The following FHIP1A variants were observed in gnomAD, a reference collection of about 807,000 sequenced individuals.
The protein encoded by FHIP1A is FHF complex subunit HOOK interacting protein 1A.
In FHIP1A, 61 loss-of-function variants were observed where a neutral mutation model predicts 88.6. The ratio of observed to expected loss-of-function variants is 0.69; its 90% CI spans 0.56 to 0.85. The LOEUF (loss-of-function observed/expected upper bound fraction) is 0.85, where lower values mean the gene tolerates loss of function less well. FHIP1A is among the 40% of genes least tolerant of loss of function. The pLI is 0.00. For missense variants in FHIP1A, 1,154 were observed against 1,273.5 expected, an observed-to-expected ratio of 0.91 and a Z score of 1.43; for synonymous variants, 478 against 496.0, an observed-to-expected ratio of 0.96 and a Z score of 0.48.
intron 1 of FHIP1A, among the ~76,000 whole-genome samples, chr4:151,422,028 C>T (rs1394898131): frequency 1.3e-5 from 2 of 151,836 alleles, no homozygotes; most frequent in African/African-American, 4.8e-5. Context: ...CCTATTTTTT[C>T]CTTGGCTGCA....
chr4:151,480,248 T>C (rs1729846744), intron 2 of FHIP1A, among the ~76,000 whole-genome samples: 1 of 152,052 alleles, frequency 6.6e-6, no homozygotes, highest in Non-Finnish European at 1.5e-5. Flanking sequence ...TGGTAAAATA[T>C]AAGAGTGGTT....
In FHIP1A at chr4:151,650,423, A is replaced by G; in HGVS notation, c.2382A>G (p.Gly794=). The stretch of plus-strand genomic sequence containing the variant: ...AAGAAGGGAAGGAAGAGAGTAAAGG[A>G]GAAAAGGAGAAGGAGGGGAAGAAGG... The part of the protein sequence containing the change: ...KEEEGKEESK[G]EKEKEGKKEL... The change falls in exon 11 of 14, where the codon GGA becomes GGG. Residue 794 remains glycine, a synonymous_variant. Coordinates refer to ENST00000435205, the MANE Select transcript of FHIP1A (RefSeq NM_001109977.3). 1.9e-6 allele frequency: 3 copies of G among 1,551,702 alleles called. No individual in the cohort carries two copies. The highest frequency in any genetic ancestry group is 1.2e-5 in the South Asian group (1 of 84,062).
chr4:151,481,431 G>T (rs1380208380), intron 2 of FHIP1A, among the ~76,000 whole-genome samples: 1 of 151,914 alleles, frequency 6.6e-6, no homozygotes, highest in South Asian at 2.1e-4. Context: ...TAAATTATGT[G>T]GTTGTGGCAA....
chr4:151,486,501 A>G (rs1233180804), intron 3 of FHIP1A, among the ~76,000 whole-genome samples: 2 of 152,108 alleles, frequency 1.3e-5, no homozygotes, highest in Non-Finnish European at 2.9e-5. Context: ...TCTCATATCT[A>G]TGATCTGGAT....
chr4:151,557,081 G>A (rs1227051161), intron 3 of FHIP1A, among the ~76,000 whole-genome samples: 1 of 152,054 alleles, frequency 6.6e-6, no homozygotes, highest in Admixed American at 6.6e-5. Context: ...AATAGTATTG[G>A]GTCAGATAAT....
chr4:151,526,430 C>A (rs547833976), intron 3 of FHIP1A, among the ~76,000 whole-genome samples: 1 of 143,258 alleles, frequency 7.0e-6, no homozygotes, highest in African/African-American at 2.7e-5. Context: ...GCTGGCCGGG[C>A]GGGGGGCTGA....
intron 7 of FHIP1A, among the ~76,000 whole-genome samples, chr4:151,624,994 G>A (rs1378202622): frequency 6.6e-6 from 1 of 152,126 alleles, no homozygotes; most frequent in East Asian, 1.9e-4. Flanking sequence ...TCCTTGGAGG[G>A]GAGAAGATGG....
intron 3 of FHIP1A, among the ~76,000 whole-genome samples, chr4:151,496,709 C>G (rs944729058): frequency 2.3e-5 from 2 of 87,038 alleles, no homozygotes; most frequent in Non-Finnish European, 5.1e-5. Context: ...CATACCACCA[C>G]GTCCAGCTTT....
intron 3 of FHIP1A, among the ~76,000 whole-genome samples, chr4:151,502,109 A>G (rs1231555524): frequency 1.3e-5 from 2 of 149,738 alleles, no homozygotes; most frequent in Non-Finnish European, 3.0e-5. Flanking sequence ...TGAGCCCAGG[A>G]ATTTGAGACC....
intron 3 of FHIP1A, among the ~76,000 whole-genome samples, chr4:151,503,511 A>G (rs1730722296): frequency 6.6e-6 from 1 of 152,166 alleles, no homozygotes; most frequent in Non-Finnish European, 1.5e-5. Flanking sequence ...CTTGATCTGT[A>G]GACAGTGTCT....
Position 151,665,554 on chromosome 4 carries a change from A to G in FHIP1A, c.*2800A>G, listed in dbSNP as rs1316449222. On this transcript the variant is annotated 3_prime_UTR_variant, in exon 14 of 14. Transcript: ENST00000435205. Reference sequence around the variant, plus strand: ...TGAAATAACTGAGAGTGGGTTATTTAGGGAGTGACGTGGACATGCCAAAGA... The same window carrying G: ...TGAAATAACTGAGAGTGGGTTATTTGGGGAGTGACGTGGACATGCCAAAGA... 6.6e-6 allele frequency among the ~76,000 whole-genome samples: 1 copy of G among 152,200 alleles called. No individual in the cohort carries two copies. The highest frequency in any genetic ancestry group is 6.5e-5 in the Admixed American group (1 of 15,280).
chr4:151,574,348 A>G (rs1401082879), intron 4 of FHIP1A, among the ~76,000 whole-genome samples: 1 of 152,242 alleles, frequency 6.6e-6, no homozygotes, highest in Admixed American at 6.5e-5. Context: ...TGCATTCTGT[A>G]TAAAAATCTT....
At chr4:151,538,497 G>T (rs985168453) in intron 3 of FHIP1A, among the ~76,000 whole-genome samples, 1 of 152,180 alleles carries the variant, frequency 6.6e-6, no homozygotes, top group African/African-American at 2.4e-5. Flanking sequence ...AGGGCCCTAG[G>T]AATTGCATTT....
At chr4:151,590,682 T>G (rs1438682163) in intron 7 of FHIP1A, among the ~76,000 whole-genome samples, 1 of 152,184 alleles carries the variant, frequency 6.6e-6, no homozygotes, top group Non-Finnish European at 1.5e-5. Flanking sequence ...CTTGTTAAAG[T>G]GCCAACAGAG....
chr4:151,490,039 G>T (rs1194827329), intron 3 of FHIP1A, among the ~76,000 whole-genome samples: 1 of 152,078 alleles, frequency 6.6e-6, no homozygotes, highest in African/African-American at 2.4e-5. Flanking sequence ...CCACCTCCTG[G>T]CTGGAAACCA....
At chr4:151,412,602 T>TCCTTCCTTCCTC (rs1732699559) in intron 1 of FHIP1A, among the ~76,000 whole-genome samples, 1 of 139,560 alleles carries the variant, frequency 7.2e-6, no homozygotes, top group African/African-American at 2.8e-5. Flanking sequence ...CTTCCTTCCT[T>TCCTTCCTTCCTC]CCTTCCTTCC....
intron 1 of FHIP1A, among the ~76,000 whole-genome samples, chr4:151,453,817 C>T (rs926871105): frequency 7.2e-5 from 11 of 151,984 alleles, no homozygotes; most frequent in African/African-American, 1.9e-4. Flanking sequence ...TGCGGTGAGC[C>T]GAGATAGCAC....
Position 151,577,835 on chromosome 4 carries a change from T to C in FHIP1A, c.491T>C (p.Val164Ala). 2 of 1,552,022 alleles carry C rather than the reference T, an allele frequency of 1.3e-6. No homozygotes were observed. The highest frequency in any genetic ancestry group is 1.7e-6 in the Non-Finnish European group (2 of 1,147,050). Residue 164 changes from valine (V) to alanine (A), a missense_variant, in exon 5 of 14, where the codon GTC (valine) becomes GCC (alanine). Physicochemically the swap from Val to Ala is moderately conservative, Grantham distance 64. Transcript: ENST00000435205. Reference protein sequence around the residue: ...TTPTVEEKLVVLLNQLCSILA... With the variant: ...TTPTVEEKLVALLNQLCSILA... The stretch of plus-strand genomic sequence containing the variant: ...CCCACTGTGGAGGAGAAGCTGGTTG[T>C]CCTACTCAATCAGCTCTGTTCCATT...
At chr4:151,645,882 C>T (rs1736775170) in intron 9 of FHIP1A, among the ~76,000 whole-genome samples, 1 of 152,078 alleles carries the variant, frequency 6.6e-6, no homozygotes, top group South Asian at 2.1e-4. Context: ...TGATCACCAA[C>T]CAAAAGTGTT....
Sources: gnomAD v4.1 joint callset for allele counts (sites outside exome capture counted in the v4.1 genomes callset) on GRCh38, gnomAD v4.1.1 for gene constraint, MANE v1.5 for transcripts, NCBI Gene and HGNC (gene_info 2026-07-23, HGNC 2026-07-21) for gene names.